The following RBL2 variants were observed in gnomAD, a reference collection of about 807,000 sequenced individuals.
The protein encoded by RBL2 is RB transcriptional corepressor like 2, also known as retinoblastoma-like protein 2.
A neutral mutation model predicts 126.0 loss-of-function variants in RBL2; 56 were observed. The ratio of observed to expected loss-of-function variants is 0.44; its 90% CI spans 0.36 to 0.56. The LOEUF (loss-of-function observed/expected upper bound fraction) is 0.56, where lower values mean the gene tolerates loss of function less well. Ranked by LOEUF, RBL2 falls within the 20% of genes least tolerant of loss-of-function variation. The pLI, the probability that RBL2 is intolerant of heterozygous loss-of-function variation, is 0.00. For synonymous variants in RBL2, 454 were observed against 478.5 expected (o/e 0.95, Z 0.67); for missense variants, 1,229 against 1,398.2 (o/e 0.88, Z 1.93).
chr16:53,476,487 A>G (rs1960731264), intron 17 of RBL2, among the ~76,000 whole-genome samples: 3 of 152,166 alleles, frequency 2.0e-5, no homozygotes, highest in Non-Finnish European at 4.4e-5. Context: ...TGTTCTGTAG[A>G]TGTCTGTTAG....
At chr16:53,443,402 C>T (rs962795343) in intron 3 of RBL2, 1 of 152,108 alleles carries the variant, frequency 6.6e-6, no homozygotes, top group Non-Finnish European at 1.5e-5. Flanking sequence ...TATTTTATGT[C>T]AAACTGAGTA....
At chr16:53,459,727 T>C (rs1423649832) in intron 9 of RBL2, 110 bp downstream of exon 9, 8 of 1,077,986 alleles carry the variant, frequency 7.4e-6, no homozygotes, top group Non-Finnish European at 1.0e-5. Context: ...TTTTTATCAA[T>C]TGTATACTCA....
Position 53,442,822 on chromosome 16 carries a change from AGGAG to A in RBL2, c.537_540del (p.Glu179AspfsTer38). ...CAGGACATCTTTAAATACCCTCAAG[AGGAG>A]CAACCTCGTCAGCAGCGAGGAAGGA... On this transcript the variant is annotated frameshift_variant, in exon 3 of 22. Coordinates refer to ENST00000262133, the MANE Select transcript of RBL2 (RefSeq NM_005611.4). LOFTEE classifies it high-confidence loss of function. The A allele has an allele frequency of 6.2e-7, 1 of 1,613,546 alleles. No individual in the cohort carries two copies. The highest frequency in any genetic ancestry group is 1.1e-5 in the South Asian group (1 of 90,958).
At chr16:53,485,606 G>A (rs1961135136) in intron 21 of RBL2, among the ~76,000 whole-genome samples, 1 of 152,120 alleles carries the variant, frequency 6.6e-6, no homozygotes, top group African/African-American at 2.4e-5. Flanking sequence ...TGTAATCTCA[G>A]CACTTTGGGA....
At chr16:53,480,840 A>C in intron 20 of RBL2, 71 bp downstream of exon 20, 1 of 1,451,060 alleles carries the variant, frequency 6.9e-7, no homozygotes, top group African/African-American at 1.4e-5. Context: ...TGATTTATAT[A>C]TGGACCATTC....
intron 4 of RBL2, among the ~76,000 whole-genome samples, chr16:53,448,156 C>A (rs987630718): frequency 1.8e-5 from 2 of 111,696 alleles, no homozygotes; most frequent in African/African-American, 3.8e-5. Context: ...GCTTAACTTA[C>A]TTTATTTTAT....
intron 21 of RBL2, chr16:53,487,744 CAT>C (rs1487932138): frequency 1.3e-5 from 2 of 152,126 alleles, no homozygotes; most frequent in Non-Finnish European, 2.9e-5. Flanking sequence ...AAAAACCAGC[CAT>C]AGACTATTAG....
intron 21 of RBL2, chr16:53,488,771 T>C (rs1961275956): frequency 6.6e-6 from 1 of 152,186 alleles, no homozygotes; most frequent in Admixed American, 6.5e-5. Flanking sequence ...TATGGTAGCA[T>C]TGCTTATACA....
intron 7 of RBL2, 55 bp from the exon 8 acceptor site, chr16:53,454,601 T>A (rs1383524233): frequency 2.0e-5 from 28 of 1,395,674 alleles, no homozygotes; most frequent in South Asian, 1.2e-4. Context: ...AATAATTAAT[T>A]GAAATGGCAG....
Position 53,480,004 on chromosome 16 carries a change from T to C in RBL2, c.2881+13T>C. 1 of 1,545,276 alleles carries C rather than the reference T, an allele frequency of 6.5e-7. No homozygotes were observed. Among genetic ancestry groups the C allele is most frequent in the Middle Eastern group, 1.7e-4 (1 of 5,844 alleles). Reference sequence around the variant, plus strand: ...AACAAAGATAGAAGTAAGTGGGATCTTTGTGAACTACAAGACAAAATTAGG... The same window carrying C: ...AACAAAGATAGAAGTAAGTGGGATCCTTGTGAACTACAAGACAAAATTAGG... On this transcript the variant is annotated intron_variant, in intron 19 of 21. Transcript: ENST00000262133.
chr16:53,461,444 A>G (rs1385695493), intron 9 of RBL2, among the ~76,000 whole-genome samples: 1 of 152,152 alleles, frequency 6.6e-6, no homozygotes, highest in Non-Finnish European at 1.5e-5. Flanking sequence ...GTGAGCCAAG[A>G]CTGCATCACT....
At chr16:53,441,211 C>T (rs1037984383) in intron 2 of RBL2, among the ~76,000 whole-genome samples, 13 of 151,948 alleles carry the variant, frequency 8.6e-5, no homozygotes, top group Non-Finnish European at 1.3e-4. Context: ...CTACCTGCCT[C>T]GGTCTCCCAA....
Position 53,464,300 on chromosome 16 carries a change from G to A in RBL2, c.1635G>A (p.Lys545=). Reference sequence around the variant, plus strand: ...TTGAGGTCGTCACTTTTTCTTATAAGCCTCCTGGGAATTTTCCATTTATTA... The same window carrying A: ...TTGAGGTCGTCACTTTTTCTTATAAACCTCCTGGGAATTTTCCATTTATTA... ...CCLEVVTFSY[K]PPGNFPFITE... The change falls in exon 12 of 22, where the codon AAG becomes AAA. Residue 545 remains lysine, a synonymous_variant. Coordinates refer to ENST00000262133, the MANE Select transcript of RBL2 (RefSeq NM_005611.4). 1 of 1,595,834 alleles carries A rather than the reference G, an allele frequency of 6.3e-7. No homozygotes were observed. Among genetic ancestry groups the A allele is most frequent in the Non-Finnish European group, 8.6e-7 (1 of 1,164,064 alleles).
intron 4 of RBL2, among the ~76,000 whole-genome samples, chr16:53,450,094 A>C (rs2153140544): frequency 6.6e-6 from 1 of 152,032 alleles, no homozygotes; most frequent in African/African-American, 2.4e-5. Context: ...GGAACCAAGT[A>C]TATTTTAATA....
Position 53,447,087 on chromosome 16 carries a change from G to C in RBL2, c.618G>C (p.Val206=). 6.3e-7 allele frequency: 1 copy of C among 1,579,024 alleles called. No homozygotes were observed. Among genetic ancestry groups the C allele is most frequent in the Non-Finnish European group, 8.6e-7 (1 of 1,156,472 alleles). The change falls in exon 4 of 22, where the codon GTG becomes GTC. Residue 206 remains valine, a synonymous_variant. Coordinates refer to ENST00000262133, the MANE Select transcript of RBL2 (RefSeq NM_005611.4). ...TVSEIFHFCW[V]LFIYAKGNFP... ...CTGAAATTTTCCATTTTTGTTGGGT[G>C]CTTTTTATATATGCAAAAGGTAAGA...
chr16:53,489,316 T>C (rs1161079615), intron 21 of RBL2: 1 of 152,238 alleles, frequency 6.6e-6, no homozygotes, highest in African/African-American at 2.4e-5. Context: ...CTTCTCTACT[T>C]TTGTATGTTT....
intron 4 of RBL2, among the ~76,000 whole-genome samples, chr16:53,447,498 G>A (rs1387132813): frequency 6.6e-6 from 1 of 151,570 alleles, no homozygotes; most frequent in African/African-American, 2.4e-5. Flanking sequence ...ATTTTTTTTT[G>A]TATCTTGTTC....
chr16:53,488,072 A>C (rs763679175), intron 21 of RBL2: 7 of 152,360 alleles, frequency 4.6e-5, no homozygotes, highest in Non-Finnish European at 1.0e-4. Flanking sequence ...AATGAAATGG[A>C]AACTTATGTT....
At chr16:53,477,180 CG>C (rs1247538025) in intron 17 of RBL2, among the ~76,000 whole-genome samples, 3 of 152,006 alleles carry the variant, frequency 2.0e-5, no homozygotes, top group Admixed American at 2.0e-4. Flanking sequence ...TTAACTGTTT[CG>C]TTACACATAT....
Sources: allele counts gnomAD v4.1 joint callset (sites outside exome capture counted in the v4.1 genomes callset), GRCh38; gene constraint gnomAD v4.1.1; transcripts MANE v1.5; gene names NCBI Gene and HGNC (gene_info 2026-07-23, HGNC 2026-07-21).